The following SUSD1 variants were observed in gnomAD, a reference collection of about 807,000 sequenced individuals.
SUSD1 encodes the protein sushi domain containing 1, also known as sushi domain-containing protein 1.
In SUSD1, 65 loss-of-function variants were observed where a neutral mutation model predicts 86.9. The observed-to-expected ratio is 0.75, with a 90% CI of 0.61 to 0.92. The LOEUF (loss-of-function observed/expected upper bound fraction) is 0.92. Ranked by LOEUF, SUSD1 falls within the 40% of genes least tolerant of loss-of-function variation. The probability of loss-of-function intolerance (pLI) is 0.00; values close to 1 mark genes in which losing one functional copy is unlikely to be tolerated. For synonymous variants in SUSD1, 346 were observed against 350.0 expected (o/e 0.99, Z 0.13); for missense variants, 850 against 929.7 (o/e 0.91, Z 1.11).
At chr9:112,138,268 T>TATATATATATGTGTATATAC (rs1564329075) in intron 5 of SUSD1, among the ~76,000 whole-genome samples, 1 of 74,644 alleles carries the variant, frequency 1.3e-5, no homozygotes, top group Non-Finnish European at 2.9e-5. Flanking sequence ...TGTATATACA[T>TATATATATATGTGTATATAC]ATATATATAT....
rs73538287 is a variant in SUSD1 at position 112,159,347 on chromosome 9, C to A, written c.104-1734G>T. On this transcript the variant is annotated intron_variant, in intron 1 of 16. Coordinates refer to ENST00000374270, the MANE Select transcript of SUSD1 (RefSeq NM_022486.5). ...CCTTAGGCTGCTCCAGGCATGAAACCAACTGAGACTAGGGATTTCTAAACA... is the reference window on the plus strand; with the variant it reads ...CCTTAGGCTGCTCCAGGCATGAAACAAACTGAGACTAGGGATTTCTAAACA... Among the ~76,000 whole-genome samples, 1,318 of 152,232 alleles carry A rather than the reference C, an allele frequency of 8.7e-3. 15 individuals are homozygous for A. The highest frequency in any genetic ancestry group is 0.03 in the African/African-American group (1,243 of 41,542).
rs1260205388 is a variant in SUSD1 at position 112,111,939 on chromosome 9, C to G, written c.985-99G>C. ...CATTCTCCTACTATTCTATTTTATACTGTGCTGCTCAGCCAGGGAGCATTC... is the reference window on the plus strand; with the variant it reads ...CATTCTCCTACTATTCTATTTTATAGTGTGCTGCTCAGCCAGGGAGCATTC... On this transcript the variant is annotated intron_variant, in intron 7 of 16. Transcript: ENST00000374270. 8.0e-6 allele frequency: 10 copies of G among 1,249,458 alleles called. No individual in the cohort carries two copies. The African/African-American group carries it at 1.3e-4, about 17-fold the overall frequency. The allele number at this position is 1,249,458 out of a possible 1,614,324, so 77.4% of individuals were successfully genotyped here. A position where few individuals can be genotyped will look rare whatever the true frequency, so the allele number is the denominator to read the frequency against.
At chr9:112,136,728 G>A (rs756493289) in intron 5 of SUSD1, among the ~76,000 whole-genome samples, 4 of 152,122 alleles carry the variant, frequency 2.6e-5, no homozygotes, top group South Asian at 2.1e-4. Context: ...ACAGGCAGCC[G>A]TGTAATGAAG....
chr9:112,100,445 C>A (rs1212090370), intron 9 of SUSD1, among the ~76,000 whole-genome samples: 2 of 152,142 alleles, frequency 1.3e-5, no homozygotes, highest in Non-Finnish European at 2.9e-5. Context: ...CTTGGCCTCC[C>A]AGAGTGCTGG....
chr9:112,128,798 A>G (rs1432633367), intron 5 of SUSD1, among the ~76,000 whole-genome samples: 1 of 152,242 alleles, frequency 6.6e-6, no homozygotes, highest in Non-Finnish European at 1.5e-5. Context: ...AAAGACCCTG[A>G]GATAAGAAAG....
intron 12 of SUSD1, among the ~76,000 whole-genome samples, chr9:112,072,140 C>CTTTTTTTTTTTTTTTTTTTTTTTTT: frequency 4.1e-5 from 5 of 121,166 alleles, no homozygotes; most frequent in Admixed American, 9.4e-5. Flanking sequence ...CTTTCTTTCT[C>CTTTTTTTTTTTTTTTTTTTTTTTTT]TTTTTTTTTT....
intron 7 of SUSD1, 70 bp downstream of exon 7, chr9:112,112,701 G>A (rs1831155138): frequency 1.0e-6 from 1 of 1,000,440 alleles, no homozygotes; most frequent in African/African-American, 1.6e-5. Context: ...ACGGAAGCAA[G>A]TCCCTCTGAC....
chr9:112,100,554 C>G (rs1830591481), intron 9 of SUSD1, among the ~76,000 whole-genome samples: 1 of 152,104 alleles, frequency 6.6e-6, no homozygotes, highest in African/African-American at 2.4e-5. Flanking sequence ...TGTACCTGGC[C>G]TGGCAAGTAG....
intron 10 of SUSD1, among the ~76,000 whole-genome samples, chr9:112,082,464 A>T (rs1190959866): frequency 5.9e-5 from 9 of 152,188 alleles, no homozygotes; most frequent in Admixed American, 6.5e-5. Context: ...AGAACATAAG[A>T]GTTAGAAGAT....
intron 12 of SUSD1, among the ~76,000 whole-genome samples, chr9:112,078,071 G>A (rs150227152): frequency 1.2e-4 from 18 of 152,104 alleles, no homozygotes; most frequent in African/African-American, 4.1e-4. Context: ...CAGGCTGGGC[G>A]CAGTGGCTTA....
At chr9:112,085,637 A>T (rs1271595653) in intron 10 of SUSD1, among the ~76,000 whole-genome samples, 1 of 152,238 alleles carries the variant, frequency 6.6e-6, no homozygotes, top group Non-Finnish European at 1.5e-5. Flanking sequence ...TCAGCTTGAA[A>T]GGTGGGAAGT....
At chr9:112,083,999 A>G (rs1489220442) in intron 10 of SUSD1, among the ~76,000 whole-genome samples, 1 of 152,228 alleles carries the variant, frequency 6.6e-6, no homozygotes, top group Non-Finnish European at 1.5e-5. Context: ...TGGCACCACT[A>G]GTGTCCGTAA....
In SUSD1 at chr9:112,157,571, T is replaced by C; in HGVS notation, c.146A>G (p.Gln49Arg). Reference protein sequence around the residue: ...CATCHEHATCQQREGKKICIC... With the variant: ...CATCHEHATCRQREGKKICIC... ...ACAGATCTTCTTCCCTTCTCTTTGC[T>C]GGCATGTGGCATGTTCATGGCAAGT... The change falls in exon 2 of 17, where the codon CAG (glutamine) becomes CGG (arginine). Residue 49 changes from glutamine to arginine, a missense_variant. Physicochemically the swap from Gln to Arg is conservative, Grantham distance 43. Transcript: ENST00000374270. 2 of 1,614,170 alleles carry C rather than the reference T, an allele frequency of 1.2e-6. No homozygotes were observed. Among genetic ancestry groups the C allele is most frequent in the Non-Finnish European group, 1.7e-6 (2 of 1,180,014 alleles).
At chr9:112,073,309 G>A (rs554621734) in intron 12 of SUSD1, among the ~76,000 whole-genome samples, 3 of 152,178 alleles carry the variant, frequency 2.0e-5, no homozygotes, top group Non-Finnish European at 4.4e-5. Context: ...GAAGACATGG[G>A]AATAAATAAT....
At chr9:112,155,414 CT>C (rs1833254944) in intron 2 of SUSD1, among the ~76,000 whole-genome samples, 1 of 152,120 alleles carries the variant, frequency 6.6e-6, no homozygotes, top group Non-Finnish European at 1.5e-5. Flanking sequence ...GAAATTCCCC[CT>C]GGAGCCTCAG....
At chr9:112,053,193 A>AT (rs545087762) in intron 14 of SUSD1, among the ~76,000 whole-genome samples, 132 of 150,112 alleles carry the variant, frequency 8.8e-4, no homozygotes, top group African/African-American at 2.6e-3. Flanking sequence ...GATTTTATTA[A>AT]TTTTTTTTTT....
chr9:112,146,219 C>T (rs1486204168), intron 3 of SUSD1: 1 of 152,126 alleles, frequency 6.6e-6, no homozygotes, highest in Non-Finnish European at 1.5e-5. Context: ...TCAGCTTTTA[C>T]AAAGTGATAA....
intron 12 of SUSD1, among the ~76,000 whole-genome samples, chr9:112,073,085 C>G (rs972331154): frequency 6.6e-6 from 1 of 152,202 alleles, no homozygotes; most frequent in African/African-American, 2.4e-5. Flanking sequence ...CTGAGGACAT[C>G]CCATTGTGGA....
intron 4 of SUSD1, among the ~76,000 whole-genome samples, chr9:112,142,992 TTTTTTTTTTA>T (rs1832648083): frequency 2.3e-5 from 2 of 88,364 alleles, no homozygotes; most frequent in Admixed American, 1.2e-4. Context: ...TTTTTTTTTT[TTTTTTTTTTA>T]AGACAGAGAT....
Sources: allele counts gnomAD v4.1 joint callset (sites outside exome capture counted in the v4.1 genomes callset), GRCh38; gene constraint gnomAD v4.1.1; transcripts MANE v1.5; gene names NCBI Gene and HGNC (gene_info 2026-07-23, HGNC 2026-07-21).